Variants in SLIT2 observed in about 807,000 individuals in gnomAD.
SLIT2 encodes slit homolog 2 protein.
SLIT2 carries 41 observed loss-of-function variants against 185.7 expected under a neutral mutation model. The ratio of observed to expected loss-of-function variants is 0.22; its 90% CI spans 0.17 to 0.29. The LOEUF (loss-of-function observed/expected upper bound fraction) is 0.29, where lower values mean the gene tolerates loss of function less well. Among genes scored for constraint, SLIT2 ranks in the 10% least tolerant of loss-of-function variants. The pLI, the probability that SLIT2 is intolerant of heterozygous loss-of-function variation, is 1.00. For missense variants in SLIT2, 1,571 were observed against 1,909.0 expected, an observed-to-expected ratio of 0.82 and a Z score of 3.30; for synonymous variants, 693 against 680.2, an observed-to-expected ratio of 1.02 and a Z score of -0.29.
At chr4:20,361,056 G>C (rs895372999) in intron 4 of SLIT2, among the ~76,000 whole-genome samples, 1 of 152,014 alleles carries the variant, frequency 6.6e-6, no homozygotes, top group Non-Finnish European at 1.5e-5. Flanking sequence ...TTCAATATTT[G>C]ATATTTCATT....
intron 5 of SLIT2, 125 bp from the exon 6 acceptor site, chr4:20,480,591 G>A (rs1716601095): frequency 6.2e-6 from 4 of 649,478 alleles, no homozygotes; most frequent in Non-Finnish European, 1.1e-5. Context: ...AAGCAGATGA[G>A]TGTGTTTGTG....
At chr4:20,325,440 T>TAA (rs557494207) in intron 4 of SLIT2, among the ~76,000 whole-genome samples, 16 of 122,568 alleles carry the variant, frequency 1.3e-4, no homozygotes, top group Non-Finnish European at 2.1e-4. Context: ...GGAATAATCT[T>TAA]AAAAAAAAAA....
At chr4:20,316,229 A>G (rs1392612907) in intron 4 of SLIT2, among the ~76,000 whole-genome samples, 1 of 152,074 alleles carries the variant, frequency 6.6e-6, no homozygotes, top group Non-Finnish European at 1.5e-5. Flanking sequence ...TGCAGGTTAT[A>G]AACATGTCAA....
intron 19 of SLIT2, among the ~76,000 whole-genome samples, chr4:20,540,138 A>G (rs1352160942): frequency 6.6e-6 from 1 of 152,088 alleles, no homozygotes; most frequent in Non-Finnish European, 1.5e-5. Context: ...ACAAAAAAAA[A>G]TTAACCAGGC....
In SLIT2 at chr4:20,253,213, C is replaced by T. The variant is rs1026506673; in HGVS notation, c.-603C>T. 1 of 155,184 alleles carries T rather than the reference C, an allele frequency of 6.4e-6. No individual in the cohort carries two copies. 9.6% of individuals were successfully genotyped at this position (155,184 alleles called of 1,614,324 possible). On this transcript the variant is annotated 5_prime_UTR_variant, in exon 1 of 37. Coordinates refer to ENST00000504154, the MANE Select transcript of SLIT2 (RefSeq NM_004787.4). ...GAGCAGAGTCCAGAGCCGTGCGCCCCCAGAACTGCGCGTCCGCCCCGTGCA... is the reference window on the plus strand; with the variant it reads ...GAGCAGAGTCCAGAGCCGTGCGCCCTCAGAACTGCGCGTCCGCCCCGTGCA...
intron 4 of SLIT2, among the ~76,000 whole-genome samples, chr4:20,351,920 A>G (rs1308238329): frequency 6.6e-6 from 1 of 152,108 alleles, no homozygotes; most frequent in Non-Finnish European, 1.5e-5. Context: ...AGCTTTTCTT[A>G]GTTCTTGTCT....
chr4:20,326,427 T>C (rs773059708), intron 4 of SLIT2, among the ~76,000 whole-genome samples: 23 of 152,026 alleles, frequency 1.5e-4, no homozygotes, highest in Non-Finnish European at 2.9e-4. Flanking sequence ...CCATAGGCCC[T>C]AAATTTTCTT....
intron 25 of SLIT2, 40 bp downstream of exon 25, chr4:20,550,938 A>G (rs1267939492): frequency 9.0e-7 from 1 of 1,108,424 alleles, no homozygotes; most frequent in Admixed American, 1.8e-5. Context: ...AGGGTCAAAC[A>G]CTTCCTAATG....
intron 4 of SLIT2, among the ~76,000 whole-genome samples, chr4:20,466,488 A>T (rs533466817): frequency 6.6e-6 from 1 of 151,802 alleles, no homozygotes; most frequent in African/African-American, 2.4e-5. Flanking sequence ...ACTAGTATTT[A>T]TTTTTTTTAC....
At position 20,348,054 on chromosome 4, in the gene SLIT2, G is replaced by T. The variant is rs1393557648; in HGVS notation, c.395+79173G>T. 2.0e-5 allele frequency among the ~76,000 whole-genome samples: 3 copies of T among 152,268 alleles called. No individual in the cohort carries two copies. In the East Asian group the frequency reaches 5.8e-4, roughly 29 times the overall value. ...TTGGTATAATCTAATTTTAAAAAGG[G>T]TGTGTACCAACACCGTACCAGTGGT... On this transcript the variant is annotated intron_variant, in intron 4 of 36. Transcript: ENST00000504154.
chr4:20,279,954 A>T (rs1714561207), intron 4 of SLIT2, among the ~76,000 whole-genome samples: 1 of 152,144 alleles, frequency 6.6e-6, no homozygotes, highest in South Asian at 2.1e-4. Flanking sequence ...AATAGTTGGA[A>T]ATTAAGCCTG....
intron 4 of SLIT2, among the ~76,000 whole-genome samples, chr4:20,325,594 A>G (rs1719508947): frequency 6.6e-6 from 1 of 152,182 alleles, no homozygotes; most frequent in South Asian, 2.1e-4. Flanking sequence ...AAAAGAGAGC[A>G]TACCTAACGC....
chr4:20,475,881 T>A (rs956339262), intron 5 of SLIT2, among the ~76,000 whole-genome samples: 1 of 152,110 alleles, frequency 6.6e-6, no homozygotes, highest in African/African-American at 2.4e-5. Flanking sequence ...AACATATAAC[T>A]TTATACCATA....
At chr4:20,270,057 T>C (rs1041657723) in intron 4 of SLIT2, among the ~76,000 whole-genome samples, 13 of 151,984 alleles carry the variant, frequency 8.6e-5, no homozygotes, top group Non-Finnish European at 1.3e-4. Flanking sequence ...TGGACCAATT[T>C]AAGTAAATTT....
At chr4:20,511,422 T>C (rs921205364) in intron 11 of SLIT2, among the ~76,000 whole-genome samples, 1 of 135,938 alleles carries the variant, frequency 7.4e-6, no homozygotes, top group South Asian at 2.7e-4. Context: ...TTTTATTTCT[T>C]TTTTTTTTTT....
intron 29 of SLIT2, among the ~76,000 whole-genome samples, chr4:20,582,955 T>C (rs1449782873): frequency 6.6e-6 from 1 of 152,170 alleles, no homozygotes; most frequent in Non-Finnish European, 1.5e-5. Context: ...ATAGAGATAA[T>C]TTACGTGCTG....
At chr4:20,402,795 T>A (rs1303087839) in intron 4 of SLIT2, among the ~76,000 whole-genome samples, 2 of 151,816 alleles carry the variant, frequency 1.3e-5, no homozygotes, top group Admixed American at 1.3e-4. Flanking sequence ...AATTTTTTAA[T>A]AAAGAATTTT....
intron 6 of SLIT2, among the ~76,000 whole-genome samples, chr4:20,483,049 T>G (rs574931447): frequency 1.3e-5 from 2 of 151,994 alleles, no homozygotes; most frequent in East Asian, 3.9e-4. Context: ...GTTTTGCTTA[T>G]TTTTACCATT....
chr4:20,606,730 A>G (rs951793473), intron 33 of SLIT2, among the ~76,000 whole-genome samples: 14 of 152,200 alleles, frequency 9.2e-5, no homozygotes, highest in Admixed American at 5.9e-4. Context: ...TTTTAAATCC[A>G]TATAATTTAT....
Sources: gnomAD v4.1 joint callset for allele counts (sites outside exome capture counted in the v4.1 genomes callset) on GRCh38, gnomAD v4.1.1 for gene constraint, MANE v1.5 for transcripts, NCBI Gene and HGNC (gene_info 2026-07-23, HGNC 2026-07-21) for gene names.